The following ADAM7 variants were observed in gnomAD, a reference collection of about 807,000 sequenced individuals.
ADAM7 encodes the protein disintegrin and metalloproteinase domain-containing protein 7.
A neutral mutation model predicts 102.9 loss-of-function variants in ADAM7; 97 were observed. The observed-to-expected ratio is 0.94, with a 90% CI of 0.80 to 1.12. The LOEUF (loss-of-function observed/expected upper bound fraction) is 1.12. ADAM7 is among the 50% of genes most tolerant of loss of function. The pLI is 0.00. For missense variants in ADAM7, 991 were observed against 908.7 expected (o/e 1.09, Z -1.16); for synonymous variants, 334 against 304.4 (o/e 1.10, Z -1.01).
intron 21 of ADAM7, 106 bp downstream of exon 21, chr8:24,507,641 T>A: frequency 1.1e-6 from 1 of 872,898 alleles, no homozygotes; most frequent in Non-Finnish European, 1.7e-6. Flanking sequence ...TCCTCTGTAC[T>A]TATCACAACA....
At chr8:24,471,158 T>G (rs1050424056) in intron 7 of ADAM7, among the ~76,000 whole-genome samples, 5 of 152,002 alleles carry the variant, frequency 3.3e-5, no homozygotes, top group African/African-American at 9.7e-5. Context: ...GAAAAAATAT[T>G]TTTGTACAGC....
At chr8:24,507,335 G>A in intron 20 of ADAM7, 145 bp from the exon 21 acceptor site, 1 of 621,412 alleles carries the variant, frequency 1.6e-6, no homozygotes, top group Non-Finnish European at 2.9e-6. Context: ...TTTACAAACT[G>A]TCTTGGATTT....
chr8:24,508,761 A>T lies in ADAM7; in HGVS notation c.*215A>T. The T allele has an allele frequency of 7.4e-7, 1 of 1,349,230 alleles. No individual in the cohort carries two copies. Among genetic ancestry groups the T allele is most frequent in the East Asian group, 2.7e-5 (1 of 37,422 alleles). The allele number at this position is 1,349,230 out of a possible 1,614,324, so 83.6% of individuals were successfully genotyped here. A position where few individuals can be genotyped will look rare whatever the true frequency, so the allele number is the denominator to read the frequency against. ...CCTCTATCATAAACATATGCTGCAGAAAAAAAATGTCTTGTGGTCTTTCAA... is the reference window on the plus strand; with the variant it reads ...CCTCTATCATAAACATATGCTGCAGTAAAAAAATGTCTTGTGGTCTTTCAA... On this transcript the variant is annotated 3_prime_UTR_variant, in exon 22 of 22. Transcript: ENST00000175238.
At position 24,460,287 on chromosome 8, in the gene ADAM7, C is replaced by A. The variant is rs922561280; in HGVS notation, c.234-3595C>A. Among the ~76,000 whole-genome samples the A allele has an allele frequency of 7.9e-5, 12 of 151,868 alleles. 1 individual carries two copies. The highest frequency in any genetic ancestry group is 5.2e-4 in the Admixed American group (8 of 15,272). On this transcript the variant is annotated intron_variant, in intron 3 of 21. Coordinates refer to ENST00000175238, the MANE Select transcript of ADAM7 (RefSeq NM_003817.4). ...TTAGTTTGGTCCTGATTTTTAATGCCTTCTAATAATCTCTGATTTTTAATA... is the reference window on the plus strand; with the variant it reads ...TTAGTTTGGTCCTGATTTTTAATGCATTCTAATAATCTCTGATTTTTAATA...
intron 20 of ADAM7, 95 bp downstream of exon 20, chr8:24,501,671 C>A (rs1373993203): frequency 2.3e-6 from 2 of 862,790 alleles, no homozygotes; most frequent in East Asian, 2.8e-5. Context: ...AGCTAAGTGA[C>A]ATGGGAAGTG....
chr8:24,501,449 A>AT (rs1449360319), intron 19 of ADAM7, 28 bp from the exon 20 acceptor site: 1 of 1,527,092 alleles, frequency 6.5e-7, no homozygotes, highest in African/African-American at 1.4e-5. Context: ...TATCTAATAA[A>AT]TTAGTTGTTC....
In ADAM7 at chr8:24,453,443, C is replaced by T. The variant is rs567404680; in HGVS notation, c.233+6181C>T. ...TACCCTTTCTTCCAATTGATCACAT[C>T]GGCTCCTGAGGCTTCTGCATTCTTC... On this transcript the variant is annotated intron_variant, in intron 3 of 21. Transcript: ENST00000175238. Among the ~76,000 whole-genome samples the T allele has an allele frequency of 1.7e-3, 258 of 152,282 alleles. 1 individual carries two copies. The highest frequency in any genetic ancestry group is 5.8e-3 in the African/African-American group (242 of 41,558).
At chr8:24,449,053 T>G (rs1163162349) in intron 3 of ADAM7, among the ~76,000 whole-genome samples, 1 of 152,230 alleles carries the variant, frequency 6.6e-6, no homozygotes, top group Non-Finnish European at 1.5e-5. Flanking sequence ...AGTCTATTAT[T>G]GTTGGACATG....
intron 11 of ADAM7, among the ~76,000 whole-genome samples, chr8:24,488,386 T>C (rs990078901): frequency 1.3e-5 from 2 of 152,180 alleles, no homozygotes; most frequent in Non-Finnish European, 2.9e-5. Context: ...GCATTGTATA[T>C]AGTAAGAAAA....
intron 7 of ADAM7, among the ~76,000 whole-genome samples, chr8:24,470,107 A>G (rs1261815548): frequency 6.6e-6 from 1 of 152,164 alleles, no homozygotes; most frequent in Non-Finnish European, 1.5e-5. Flanking sequence ...TATCAAAGAC[A>G]AAGAAAAAAT....
At chr8:24,481,473 A>G (rs118075491) in intron 8 of ADAM7, among the ~76,000 whole-genome samples, 86 of 152,288 alleles carry the variant, frequency 5.6e-4, no homozygotes, top group Middle Eastern at 3.4e-3. Context: ...AACTGATACA[A>G]CACATAGTCC....
chr8:24,479,891 A>G (rs746773472), intron 8 of ADAM7, among the ~76,000 whole-genome samples: 2 of 152,158 alleles, frequency 1.3e-5, no homozygotes, highest in African/African-American at 2.4e-5. Flanking sequence ...TGGTGGATAC[A>G]GAAAAAAATA....
chr8:24,470,341 G>A (rs1819563298), intron 7 of ADAM7, among the ~76,000 whole-genome samples: 1 of 152,066 alleles, frequency 6.6e-6, no homozygotes, highest in Admixed American at 6.6e-5. Context: ...GATTAGGAAT[G>A]TAAAGGTAGT....
chr8:24,482,551 C>T (rs1352440674), intron 9 of ADAM7, among the ~76,000 whole-genome samples: 1 of 151,954 alleles, frequency 6.6e-6, no homozygotes, highest in Non-Finnish European at 1.5e-5. Context: ...AGTTCAAGAC[C>T]AGCCCCAGGC....
chr8:24,506,753 G>GCACACACACACACACA (rs71549838), intron 20 of ADAM7, among the ~76,000 whole-genome samples: 6 of 144,192 alleles, frequency 4.2e-5, no homozygotes, highest in African/African-American at 1.3e-4. Context: ...CTGAGTCAAA[G>GCACACACACACACACA]CACACACACA....
chr8:24,502,243 G>A (rs996294910), intron 20 of ADAM7, among the ~76,000 whole-genome samples: 4 of 151,968 alleles, frequency 2.6e-5, no homozygotes, highest in East Asian at 1.9e-4. Context: ...TAAATACCAC[G>A]TGCCAAAACA....
At chr8:24,500,137 A>G (rs550478998) in intron 17 of ADAM7, 41 bp from the exon 18 acceptor site, 3 of 1,558,454 alleles carry the variant, frequency 1.9e-6, no homozygotes, top group South Asian at 1.2e-5. Flanking sequence ...AACACAACTT[A>G]TATCAGTCAT....
At chr8:24,447,667 C>A (rs558638429) in intron 3 of ADAM7, among the ~76,000 whole-genome samples, 3 of 152,078 alleles carry the variant, frequency 2.0e-5, no homozygotes, top group Non-Finnish European at 4.4e-5. Context: ...AGAAATGTAG[C>A]GCATTTGCTT....
At chr8:24,453,981 G>A (rs536183718) in intron 3 of ADAM7, among the ~76,000 whole-genome samples, 1 of 152,296 alleles carries the variant, frequency 6.6e-6, no homozygotes, top group South Asian at 2.1e-4. Flanking sequence ...TGTGAACCGC[G>A]AATGCTGCTG....
Sources: gnomAD v4.1 joint callset for allele counts (sites outside exome capture counted in the v4.1 genomes callset) on GRCh38, gnomAD v4.1.1 for gene constraint, MANE v1.5 for transcripts, NCBI Gene and HGNC (gene_info 2026-07-23, HGNC 2026-07-21) for gene names.